The following ARSG variants were observed in gnomAD, a reference collection of about 807,000 sequenced individuals.
The protein encoded by ARSG is arylsulfatase G, also known as ASG.
ARSG carries 37 observed loss-of-function variants against 50.5 expected under a neutral mutation model. The ratio of observed to expected loss-of-function variants is 0.73; its 90% CI spans 0.56 to 0.96. ARSG has a LOEUF of 0.96. ARSG is among the 50% of genes least tolerant of loss of function. The pLI, the probability that ARSG is intolerant of heterozygous loss-of-function variation, is 0.00. For missense variants in ARSG, 629 were observed against 675.3 expected (o/e 0.93, Z 0.76); for synonymous variants, 225 against 254.6 (o/e 0.88, Z 1.11).
chr17:68,292,106 C>G (rs1599584934), intron 1 of ARSG, among the ~76,000 whole-genome samples: 1 of 152,086 alleles, frequency 6.6e-6, no homozygotes, highest in Non-Finnish European at 1.5e-5. Context: ...AGCGAGCGGC[C>G]GGGCCGCTGC....
intron 1 of ARSG, among the ~76,000 whole-genome samples, chr17:68,269,673 G>GTTTT (rs782421181): frequency 1.3e-5 from 1 of 77,912 alleles, no homozygotes; most frequent in African/African-American, 7.5e-5. Context: ...TTCACTTTAG[G>GTTTT]TTTTTTTTTT....
At chr17:68,317,713 T>C (rs569838533) in intron 2 of ARSG, among the ~76,000 whole-genome samples, 3 of 152,304 alleles carry the variant, frequency 2.0e-5, no homozygotes, top group Non-Finnish European at 1.5e-5. Context: ...TGAACACTTA[T>C]CAGTTTAAAA....
intron 2 of ARSG, among the ~76,000 whole-genome samples, chr17:68,330,775 G>A (rs575333043): frequency 3.9e-5 from 6 of 152,236 alleles, no homozygotes; most frequent in Non-Finnish European, 8.8e-5. Flanking sequence ...CCATTGGGCT[G>A]AGAGATTTAA....
At chr17:68,306,008 C>CTT in intron 1 of ARSG, among the ~76,000 whole-genome samples, 1 of 146,494 alleles carries the variant, frequency 6.8e-6, no homozygotes, top group African/African-American at 2.5e-5. Context: ...TCTTTTTCTT[C>CTT]TTTTTTTTTT....
chr17:68,424,170 A>C (rs1229486618), downstream of ARSG, among the ~76,000 whole-genome samples: 1 of 152,226 alleles, frequency 6.6e-6, no homozygotes, highest in Non-Finnish European at 1.5e-5. Context: ...GAGGTTTTGA[A>C]GTTTATAATT....
At chr17:68,309,868 TAAATA>T (rs1245054311) in intron 2 of ARSG, among the ~76,000 whole-genome samples, 1 of 147,990 alleles carries the variant, frequency 6.8e-6, no homozygotes, top group Middle Eastern at 3.2e-3. Flanking sequence ...TAAAAAAAAA[TAAATA>T]AAATAAAAAA....
chr17:68,314,525 C>CAA (rs57021660), intron 2 of ARSG, among the ~76,000 whole-genome samples: 25 of 116,980 alleles, frequency 2.1e-4, no homozygotes, highest in African/African-American at 6.8e-4. Flanking sequence ...GACTCCATCT[C>CAA]AAAAAAAAAA....
Position 68,337,052 on chromosome 17 carries a change from T to G in ARSG, c.219-6552T>G, listed in dbSNP as rs546166562. On this transcript the variant is annotated intron_variant, in intron 2 of 11. Transcript: ENST00000621439. ...ATCTGGGAGACTTGATAGAACTTGG[T>G]GACCACCTGACATGGAGAATGAGCG... Among the ~76,000 whole-genome samples, 29 of 152,180 alleles carry G rather than the reference T, an allele frequency of 1.9e-4. No homozygotes were observed. In the South Asian group the frequency reaches 6.0e-3, roughly 32 times the overall value.
chr17:68,395,996 C>G (rs977665391), intron 10 of ARSG, among the ~76,000 whole-genome samples: 1 of 146,232 alleles, frequency 6.8e-6, no homozygotes, highest in Admixed American at 7.3e-5. Flanking sequence ...ACACTCTTGG[C>G]AGCCTGTTTT....
chr17:68,349,667 T>G (rs971313096), intron 4 of ARSG, among the ~76,000 whole-genome samples: 4 of 152,306 alleles, frequency 2.6e-5, no homozygotes, highest in African/African-American at 9.6e-5. Context: ...GTGGATTACT[T>G]GAGGTCAGCA....
In ARSG at chr17:68,368,723, A is replaced by G; in HGVS notation, c.880A>G (p.Asn294Asp). ...KDKVDHTVKENTFLWFTGDNG... is the reference protein window; with the variant it reads ...KDKVDHTVKEDTFLWFTGDNG... Reference sequence around the variant, plus strand: ...CAAAGTTGACCACACAGTGAAGGAAAACACATTCCTCTGGTTTACAGGTAA... The same window carrying G: ...CAAAGTTGACCACACAGTGAAGGAAGACACATTCCTCTGGTTTACAGGTAA... The change falls in exon 7 of 12, where the codon AAC becomes GAC. Residue 294 changes from asparagine (N) to aspartate (D), a missense_variant. Coordinates refer to ENST00000621439, the MANE Select transcript of ARSG (RefSeq NM_001267727.2). 1 of 1,613,570 alleles carries G rather than the reference A, an allele frequency of 6.2e-7. No homozygotes were observed. Among genetic ancestry groups the G allele is most frequent in the Non-Finnish European group, 8.5e-7 (1 of 1,179,852 alleles).
intron 2 of ARSG, among the ~76,000 whole-genome samples, chr17:68,314,127 C>G (rs1015578177): frequency 6.6e-6 from 1 of 152,184 alleles, no homozygotes; most frequent in Non-Finnish European, 1.5e-5. Flanking sequence ...CACTTCCTAT[C>G]TGTGGCCCCG....
rs1303773653 is a variant in ARSG, at chr17:68,401,543, G to A, written c.1303+93G>A. ...CCCAGGCCTCTGGGAATGAGTGTGA[G>A]TCCCTCCTTTGTGGGGGGTTCTCAG... On this transcript the variant is annotated intron_variant, in intron 11 of 11. Transcript: ENST00000621439. The A allele has an allele frequency of 2.6e-6, 3 of 1,172,666 alleles. No homozygotes were observed. The Admixed American group carries it at 6.8e-5, about 27-fold the overall frequency. The allele number at this position is 1,172,666 out of a possible 1,614,324, so 72.6% of individuals were successfully genotyped here. A position where few individuals can be genotyped will look rare whatever the true frequency, so the allele number is the denominator to read the frequency against.
At chr17:68,305,254 A>G (rs941256084) in intron 1 of ARSG, among the ~76,000 whole-genome samples, 4 of 152,200 alleles carry the variant, frequency 2.6e-5, no homozygotes, top group African/African-American at 9.7e-5. Context: ...TATAACCTTC[A>G]ATTCCCGTCT....
intron 9 of ARSG, among the ~76,000 whole-genome samples, chr17:68,389,852 T>G (rs2080907508): frequency 6.6e-6 from 1 of 152,060 alleles, no homozygotes; most frequent in African/African-American, 2.4e-5. Flanking sequence ...GCACAGCACC[T>G]CAGTTCCCAT....
rs1371553472 is a variant in ARSG, at chr17:68,271,794, GTACTCAATCTTTATTTATT to G, written c.-552+12373_-552+12391del. On this transcript the variant is annotated intron_variant, in intron 1 of 11. Transcript: ENST00000448504. The surrounding 1 kb of genome is among the most constrained non-coding windows in gnomAD (Gnocchi z 5.3). Reference sequence around the variant, plus strand: ...ATTTATTATACTCAGCAGTATGAATGTACTCAATCTTTATTTATTTACTTTTTGAGACAGAGTCTCACTC... The same window carrying G: ...ATTTATTATACTCAGCAGTATGAATGTACTTTTTGAGACAGAGTCTCACTC... 2 of 660,282 alleles carry G rather than the reference GTACTCAATCTTTATTTATT, an allele frequency of 3.0e-6. No individual in the cohort carries two copies. The highest frequency in any genetic ancestry group is 5.2e-6 in the Non-Finnish European group (2 of 385,854). The allele number at this position is 660,282 out of a possible 1,614,324, so 40.9% of individuals were successfully genotyped here. A position where few individuals can be genotyped will look rare whatever the true frequency, so the allele number is the denominator to read the frequency against.
At chr17:68,366,913 C>T (rs374715775) in intron 6 of ARSG, among the ~76,000 whole-genome samples, 4 of 152,096 alleles carry the variant, frequency 2.6e-5, no homozygotes, top group African/African-American at 9.7e-5. Context: ...CCCCGCAGTG[C>T]CCCGCCACTC....
At chr17:68,372,198 G>A (rs1217284636) in intron 8 of ARSG, among the ~76,000 whole-genome samples, 2 of 152,066 alleles carry the variant, frequency 1.3e-5, no homozygotes, top group African/African-American at 4.8e-5. Context: ...ACACACAATC[G>A]CACCATTCTT....
chr17:68,451,922 C>G, the ARSG span, among the ~76,000 whole-genome samples: 2 of 152,164 alleles, frequency 1.3e-5, no homozygotes, highest in Admixed American at 1.3e-4. Flanking sequence ...GGAAAAGGCC[C>G]ACAGGGAACA....
Sources: allele counts gnomAD v4.1 joint callset (sites outside exome capture counted in the v4.1 genomes callset), GRCh38; gene constraint gnomAD v4.1.1; non-coding constraint Gnocchi (gnomAD v3.1); transcripts MANE v1.5; gene names NCBI Gene and HGNC (gene_info 2026-07-23, HGNC 2026-07-21).